ZNF718: variants seen among roughly 807,000 people sequenced by gnomAD.
The protein encoded by ZNF718 is zinc finger protein 718.
ZNF718 carries 3 observed loss-of-function variants against 2.6 expected under a neutral mutation model. That is an observed-to-expected ratio of 1.16 (90% CI 0.53 to 3.01). The LOEUF is 3.01. ZNF718 is among the 30% of genes most tolerant of loss of function. ZNF718 has a pLI of 0.03. For missense variants in ZNF718, 468 were observed against 230.0 expected (o/e 2.03, Z -6.69); for synonymous variants, 135 against 77.9 (o/e 1.73, Z -3.86).
chr4:159,701 GTA>G (rs145947975), intron 3 of ZNF718, among the ~76,000 whole-genome samples: 2,569 of 151,886 alleles, frequency 0.017, 45 homozygotes, highest in African/African-American at 0.041. Flanking sequence ...TTTATAAATT[GTA>G]TATGTTTCTA....
At chr4:136,773 T>C (rs1200110676) in intron 3 of ZNF718, among the ~76,000 whole-genome samples, 3 of 152,238 alleles carry the variant, frequency 2.0e-5, no homozygotes, top group East Asian at 1.9e-4. Context: ...TGACAAGATA[T>C]TTTCATTTGA....
intron 3 of ZNF718, among the ~76,000 whole-genome samples, chr4:192,148 G>A (rs1553821327): frequency 1.3e-5 from 2 of 152,166 alleles, no homozygotes; most frequent in African/African-American, 4.8e-5. Flanking sequence ...TGCGATGGTG[G>A]TGATCAGCAG....
intron 3 of ZNF718, among the ~76,000 whole-genome samples, chr4:133,106 G>A (rs1185393431): frequency 1.1e-5 from 1 of 88,434 alleles, no homozygotes; most frequent in Non-Finnish European, 2.4e-5. Flanking sequence ...GACCCCAGGA[G>A]GTGGAGTTTG....
intron 3 of ZNF718, among the ~76,000 whole-genome samples, chr4:133,901 G>C (rs782818083): frequency 4.6e-5 from 7 of 152,208 alleles, no homozygotes; most frequent in Non-Finnish European, 7.3e-5. Context: ...ACCTCAGGTA[G>C]ATAACCAGTT....
At chr4:130,739 A>G in intron 1 of ZNF718, 49 bp from the exon 2 acceptor site, 2 of 265,400 alleles carry the variant, frequency 7.5e-6, no homozygotes, top group East Asian at 1.4e-4. Flanking sequence ...GGGACTCCGT[A>G]TTAAAAAAAA....
intron 3 of ZNF718, among the ~76,000 whole-genome samples, chr4:156,277 C>G: frequency 6.6e-6 from 1 of 152,066 alleles, no homozygotes; most frequent in East Asian, 1.9e-4. Context: ...ATTGTTCCTG[C>G]ATTGTTTATA....
intron 3 of ZNF718, among the ~76,000 whole-genome samples, chr4:149,333 G>A (rs1312486350): frequency 6.6e-6 from 1 of 151,956 alleles, no homozygotes; most frequent in Non-Finnish European, 1.5e-5. Context: ...TCAAAATCCC[G>A]GCTCTTCAAT....
At chr4:138,895 T>A (rs1553809834) in intron 3 of ZNF718, among the ~76,000 whole-genome samples, 2 of 152,260 alleles carry the variant, frequency 1.3e-5, no homozygotes, top group Non-Finnish European at 2.9e-5. Flanking sequence ...TAAATAATGT[T>A]GAGCACCCTG....
chr4:185,249 T>A (rs1560131485), intron 3 of ZNF718, among the ~76,000 whole-genome samples: 1 of 152,202 alleles, frequency 6.6e-6, no homozygotes, highest in Non-Finnish European at 1.5e-5. Flanking sequence ...TGCCTTAATG[T>A]CATTATTTAC....
intron 3 of ZNF718, among the ~76,000 whole-genome samples, chr4:156,859 A>G (rs1716588901): frequency 6.6e-6 from 1 of 152,126 alleles, no homozygotes. Flanking sequence ...CATTTGCATT[A>G]CTTTCGTTTA....
At chr4:143,794 C>T (rs1715919844) in intron 3 of ZNF718, among the ~76,000 whole-genome samples, 1 of 152,102 alleles carries the variant, frequency 6.6e-6, no homozygotes, top group Admixed American at 6.5e-5. Context: ...CACCCCTGGC[C>T]ATCAAGAAAC....
intron 1 of ZNF718, among the ~76,000 whole-genome samples, chr4:125,834 GC>G (rs1264247499): frequency 6.6e-6 from 1 of 152,218 alleles, no homozygotes; most frequent in Non-Finnish European, 1.5e-5. Flanking sequence ...CAGGAATTGT[GC>G]CCATGGCAGT....
At chr4:158,483 A>G (rs925386970) in intron 3 of ZNF718, among the ~76,000 whole-genome samples, 11 of 107,168 alleles carry the variant, frequency 1.0e-4, no homozygotes, top group Non-Finnish European at 2.3e-4. Context: ...TTGTATTGAT[A>G]GGCCCTTACT....
At chr4:180,473 C>CG (rs1161863968) in intron 3 of ZNF718, among the ~76,000 whole-genome samples, 1 of 152,154 alleles carries the variant, frequency 6.6e-6, no homozygotes, top group Non-Finnish European at 1.5e-5. Flanking sequence ...AACTCTCGGT[C>CG]GGGTTCAGTG....
intron 3 of ZNF718, among the ~76,000 whole-genome samples, chr4:185,673 G>T (rs1443755572): frequency 6.6e-6 from 1 of 152,216 alleles, no homozygotes; most frequent in South Asian, 2.1e-4. Flanking sequence ...ATGAATCAGG[G>T]TGCTCCTGTG....
At position 128,951 on chromosome 4, in the gene ZNF718, A is replaced by C. The variant is rs1715295522; in HGVS notation, c.4-1837A>C. Among the ~76,000 whole-genome samples the C allele has an allele frequency of 1.9e-5, 2 of 104,670 alleles. 1 individual carries two copies. Among genetic ancestry groups the C allele is most frequent in the African/African-American group, 6.6e-5 (2 of 30,178 alleles). 68.7% of individuals were successfully genotyped at this position (104,670 alleles called of 152,430 possible). Reference sequence around the variant, plus strand: ...CAGTCATGGTCCCTACCATCAAGGAACTTGCAGTCTAGAGCACATGAATAA... The same window carrying C: ...CAGTCATGGTCCCTACCATCAAGGACCTTGCAGTCTAGAGCACATGAATAA... On this transcript the variant is annotated intron_variant, in intron 1 of 3. Coordinates refer to ENST00000510175, the MANE Select transcript of ZNF718 (RefSeq NM_001039127.6).
chr4:201,198 C>T (rs1553822724), exon 4 of ZNF718: 1 of 152,196 alleles, frequency 6.6e-6, no homozygotes, highest in African/African-American at 2.4e-5. Context: ...TGACATTTTA[C>T]AGATGACAGA....
At chr4:201,896 C>CA in exon 5 of ZNF718, 1 of 184,806 alleles carries the variant, frequency 5.4e-6, no homozygotes. Context: ...ACTTCATTTC[C>CA]AAAAAAAGGA....
At chr4:170,483 A>AC (rs1717200272) in intron 3 of ZNF718, among the ~76,000 whole-genome samples, 1 of 152,166 alleles carries the variant, frequency 6.6e-6, no homozygotes, top group Non-Finnish European at 1.5e-5. Context: ...TTTCAGGTAC[A>AC]CCAATCAGAC....
Sources: allele counts gnomAD v4.1 joint callset (sites outside exome capture counted in the v4.1 genomes callset), GRCh38; gene constraint gnomAD v4.1.1; transcripts MANE v1.5; gene names NCBI Gene and HGNC (gene_info 2026-07-23, HGNC 2026-07-21).